Variants in SLC37A1 observed in about 807,000 individuals in gnomAD.
SLC37A1 encodes solute carrier family 37 member 1.
SLC37A1 carries 49 observed loss-of-function variants against 75.3 expected under a neutral mutation model. The ratio of observed to expected loss-of-function variants is 0.65; its 90% CI spans 0.52 to 0.83. The LOEUF (loss-of-function observed/expected upper bound fraction) is 0.83. Ranked by LOEUF, SLC37A1 falls within the 40% of genes least tolerant of loss-of-function variation. SLC37A1 has a pLI of 0.00. For synonymous variants in SLC37A1, 268 were observed against 292.1 expected, an observed-to-expected ratio of 0.92 and a Z score of 0.84; for missense variants, 566 against 695.0, an observed-to-expected ratio of 0.81 and a Z score of 2.09.
intron 3 of SLC37A1, among the ~76,000 whole-genome samples, chr21:42,530,641 CA>C (rs2054932188): frequency 1.6e-4 from 5 of 31,894 alleles, no homozygotes; most frequent in Admixed American, 9.8e-4. Context: ...CACACACACA[CA>C]CACACACACA....
chr21:42,567,287 C>T (rs1306371922), intron 16 of SLC37A1, among the ~76,000 whole-genome samples: 1 of 152,256 alleles, frequency 6.6e-6, no homozygotes, highest in Non-Finnish European at 1.5e-5. Context: ...CAACAAAAGG[C>T]TCTTGGGCGC....
intron 3 of SLC37A1, among the ~76,000 whole-genome samples, chr21:42,534,232 T>C (rs757611729): frequency 2.1e-4 from 32 of 152,218 alleles, no homozygotes; most frequent in Non-Finnish European, 3.5e-4. Flanking sequence ...CTCCTTCTGC[T>C]TCATGTTATG....
intron 2 of SLC37A1, among the ~76,000 whole-genome samples, chr21:42,520,028 C>T (rs80011979): frequency 9.5e-4 from 144 of 151,958 alleles, no homozygotes; most frequent in African/African-American, 3.3e-3. Flanking sequence ...TTTTCTGAAC[C>T]ACTTGAGAGT....
At chr21:42,522,018 C>A (rs1189349242) in intron 2 of SLC37A1, among the ~76,000 whole-genome samples, 1 of 152,250 alleles carries the variant, frequency 6.6e-6, no homozygotes, top group African/African-American at 2.4e-5. Flanking sequence ...GCTCCTGCTG[C>A]TGCCGCCGTT....
At chr21:42,573,608 TA>T (rs998521320) in intron 17 of SLC37A1, among the ~76,000 whole-genome samples, 74 of 147,012 alleles carry the variant, frequency 5.0e-4, no homozygotes, top group African/African-American at 1.2e-3. Context: ...TTCTGAGAAT[TA>T]AAAAAAAAAA....
chr21:42,530,667 T>G (rs2054944330), intron 3 of SLC37A1, among the ~76,000 whole-genome samples: 1 of 119,044 alleles, frequency 8.4e-6, no homozygotes, highest in Non-Finnish European at 2.0e-5. Flanking sequence ...CCCTCTGTGT[T>G]GGCTGAAGGT....
At position 42,574,888 on chromosome 21, in the gene SLC37A1, G is replaced by C. The variant is rs751991454; in HGVS notation, c.1494G>C (p.Leu498=). 6.2e-7 allele frequency: 1 copy of C among 1,614,192 alleles called. No individual in the cohort carries two copies. The highest frequency in any genetic ancestry group is 1.1e-5 in the South Asian group (1 of 91,076). ...GCTGGAGCAATGTGTTTTACATGCT[G>C]ATGTTTGCAGATGCCTGTGCCTTAC... The part of the protein sequence containing the change: ...PSGWSNVFYM[L]MFADACALLF... The change falls in exon 18 of 20, where the codon CTG becomes CTC. Residue 498 remains leucine, a synonymous_variant. Coordinates refer to ENST00000352133, the MANE Select transcript of SLC37A1 (RefSeq NM_001320537.2).
In SLC37A1 at chr21:42,545,903, C is replaced by G. The variant is rs2055396616; in HGVS notation, c.731-1200C>G. On this transcript the variant is annotated intron_variant, in intron 8 of 19. Coordinates refer to ENST00000352133, the MANE Select transcript of SLC37A1 (RefSeq NM_001320537.2). This position sits in a 1 kb window ranked among gnomAD's most constrained non-coding sequence, Gnocchi z 4.0. ...AGCCACGGACCTCTGGGTGCAGACC[C>G]ACCTGGCCCTACGGCATGTTGATAA... Among the ~76,000 whole-genome samples, 1 of 152,264 alleles carries G rather than the reference C, an allele frequency of 6.6e-6. No homozygotes were observed. The highest frequency in any genetic ancestry group is 6.5e-5 in the Admixed American group (1 of 15,290).
chr21:42,500,612 A>C (rs1197519199), intron 1 of SLC37A1, among the ~76,000 whole-genome samples: 1 of 152,204 alleles, frequency 6.6e-6, no homozygotes, highest in African/African-American at 2.4e-5. Context: ...ACTCAAGTTT[A>C]TCTTAATCGT....
intron 17 of SLC37A1, among the ~76,000 whole-genome samples, chr21:42,569,486 TCG>T (rs2056066601): frequency 6.5e-5 from 1 of 15,344 alleles, no homozygotes; most frequent in Non-Finnish European, 1.7e-4. Context: ...ACAGGTGACC[TCG>T]TGCCGCACTC....
In SLC37A1 at chr21:42,565,891, T is replaced by A. The variant is rs2055964403; in HGVS notation, c.1270+16T>A. ...GCCACCATCGGTGAGTATGGAGGCCTTCCTGCTTTTCTTCCACACACGTTT... is the reference window on the plus strand; with the variant it reads ...GCCACCATCGGTGAGTATGGAGGCCATCCTGCTTTTCTTCCACACACGTTT... On this transcript the variant is annotated intron_variant, in intron 15 of 19. Coordinates refer to ENST00000352133, the MANE Select transcript of SLC37A1 (RefSeq NM_001320537.2). The A allele has an allele frequency of 6.2e-7, 1 of 1,609,572 alleles. No individual in the cohort carries two copies. Among genetic ancestry groups the A allele is most frequent in the South Asian group, 1.1e-5 (1 of 90,280 alleles).
rs894516959 is a variant in SLC37A1 at position 42,547,874 on chromosome 21, A to G, written c.768+734A>G. ...CCCAGCCGCCCCGCTCCCCATGTCC[A>G]CTGGCATGACACCCCTCCTGTCTGC... is the stretch of plus-strand genomic sequence containing the variant. On this transcript the variant is annotated intron_variant, in intron 9 of 19. Coordinates refer to ENST00000352133, the MANE Select transcript of SLC37A1 (RefSeq NM_001320537.2). This position sits in a 1 kb window ranked among gnomAD's most constrained non-coding sequence, Gnocchi z 6.1. Among the ~76,000 whole-genome samples the G allele has an allele frequency of 2.0e-4, 30 of 151,840 alleles. No homozygotes were observed. The highest frequency in any genetic ancestry group is 9.2e-4 in the Admixed American group (14 of 15,250).
chr21:42,573,798 C>T (rs1429180366), intron 17 of SLC37A1, among the ~76,000 whole-genome samples: 1 of 152,140 alleles, frequency 6.6e-6, no homozygotes, highest in African/African-American at 2.4e-5. Context: ...AACAGGCCAT[C>T]CTACATGTGT....
At position 42,543,752 on chromosome 21, in the gene SLC37A1, C is replaced by T. The variant is rs868403378; in HGVS notation, c.730+150C>T. Reference sequence around the variant, plus strand: ...AGCGCTCTTCTTACCAGGGAGACTTCCCCGGGGAGCCGGTTCTCTCCTGGT... The same window carrying T: ...AGCGCTCTTCTTACCAGGGAGACTTTCCCGGGGAGCCGGTTCTCTCCTGGT... On this transcript the variant is annotated intron_variant, in intron 8 of 19. Coordinates refer to ENST00000352133, the MANE Select transcript of SLC37A1 (RefSeq NM_001320537.2). 53 of 724,502 alleles carry T rather than the reference C, an allele frequency of 7.3e-5. 1 individual carries two copies. In the Middle Eastern group the frequency reaches 1.6e-3, roughly 22 times the overall value. The allele number at this position is 724,502 out of a possible 1,614,324, so 44.9% of individuals were successfully genotyped here. A position where few individuals can be genotyped will look rare whatever the true frequency, so the allele number is the denominator to read the frequency against.
chr21:42,527,836 G>C (rs1435290483), intron 3 of SLC37A1, among the ~76,000 whole-genome samples: 3 of 152,208 alleles, frequency 2.0e-5, no homozygotes, highest in Non-Finnish European at 4.4e-5. Context: ...GCTGAATCCT[G>C]TGGGTTTCTT....
At chr21:42,510,747 A>G (rs192864644), upstream of SLC37A1, among the ~76,000 whole-genome samples, 37 of 152,364 alleles carry the variant, frequency 2.4e-4, no homozygotes, top group African/African-American at 8.9e-4. Context: ...TTTAAGTCAA[A>G]AACTTCATAA....
At chr21:42,572,437 C>T (rs2056198435) in intron 17 of SLC37A1, among the ~76,000 whole-genome samples, 1 of 152,058 alleles carries the variant, frequency 6.6e-6, no homozygotes, top group African/African-American at 2.4e-5. Context: ...GTAGGCTTTT[C>T]TGGATTAATC....
chr21:42,519,243 T>C (rs1023440663), intron 2 of SLC37A1, among the ~76,000 whole-genome samples: 1 of 152,204 alleles, frequency 6.6e-6, no homozygotes, highest in African/African-American at 2.4e-5. Flanking sequence ...CAAAGGGGCA[T>C]TTAGAATTCT....
Position 42,547,448 on chromosome 21 carries a change from G to A in SLC37A1, c.768+308G>A, listed in dbSNP as rs2055438576. 2 of 328,654 alleles carry A rather than the reference G, an allele frequency of 6.1e-6. No individual in the cohort carries two copies. Among genetic ancestry groups the A allele is most frequent in the East Asian group, 1.2e-4 (2 of 17,188 alleles). The allele number at this position is 328,654 out of a possible 1,614,324, so 20.4% of individuals were successfully genotyped here. A position where few individuals can be genotyped will look rare whatever the true frequency, so the allele number is the denominator to read the frequency against. ...TGGAGACCTCCTGGTTTCCCCAGGG[G>A]CCTCAGTGTGACGGGGAAAAACGCA... is the stretch of plus-strand genomic sequence containing the variant. On this transcript the variant is annotated intron_variant, in intron 9 of 19. Coordinates refer to ENST00000352133, the MANE Select transcript of SLC37A1 (RefSeq NM_001320537.2). The surrounding 1 kb of genome is among the most constrained non-coding windows in gnomAD (Gnocchi z 6.1).
Sources: gnomAD v4.1 joint callset for allele counts (sites outside exome capture counted in the v4.1 genomes callset) on GRCh38, gnomAD v4.1.1 for gene constraint, Gnocchi (gnomAD v3.1) non-coding constraint, MANE v1.5 for transcripts, NCBI Gene and HGNC (gene_info 2026-07-23, HGNC 2026-07-21) for gene names.